Variants in ACOT7 observed in about 807,000 individuals in gnomAD.
ACOT7 encodes cytosolic acyl coenzyme A thioester hydrolase.
A neutral mutation model predicts 40.2 loss-of-function variants in ACOT7; 12 were observed. The ratio of observed to expected loss-of-function variants is 0.30; its 90% confidence interval spans 0.19 to 0.48. The LOEUF is 0.48. Ranked by LOEUF, ACOT7 falls within the 20% of genes least tolerant of loss-of-function variation. The pLI, the probability that ACOT7 is intolerant of heterozygous loss-of-function variation, is 0.99. For missense variants in ACOT7, 395 were observed against 530.8 expected, an observed-to-expected ratio of 0.74 and a Z score of 2.51; for synonymous variants, 228 against 219.5, an observed-to-expected ratio of 1.04 and a Z score of -0.34.
intron 1 of ACOT7, among the ~76,000 whole-genome samples, chr1:6,371,045 G>A (rs765447561): frequency 3.3e-5 from 5 of 152,014 alleles, no homozygotes; most frequent in Middle Eastern, 3.4e-3. Flanking sequence ...TCCTGACCTC[G>A]TGATCCACTT....
chr1:6,329,852 G>A (rs1390092889), intron 4 of ACOT7, among the ~76,000 whole-genome samples: 1 of 152,188 alleles, frequency 6.6e-6, no homozygotes, highest in Non-Finnish European at 1.5e-5. Context: ...CACTCAGCCT[G>A]TCCAGGGCTG....
rs550571092 is a variant in ACOT7 at position 6,274,014 on chromosome 1, C to T, written c.1014+7088G>A. 5.3e-5 allele frequency among the ~76,000 whole-genome samples: 8 copies of T among 152,300 alleles called. No individual in the cohort carries two copies. The highest frequency in any genetic ancestry group is 1.7e-4 in the African/African-American group (7 of 41,562). On this transcript the variant is annotated intron_variant, in intron 8 of 8. Coordinates refer to ENST00000361521, the MANE Select transcript of ACOT7 (RefSeq NM_007274.4). The surrounding 1 kb of genome is among the most constrained non-coding windows in gnomAD (Gnocchi z 5.9). ...TTCTTGTCCTGGTCCGGCCTGGACA[C>T]GGTCAGGAATGGCCACCTCTGCTCC...
At chr1:6,340,831 T>C (rs796289356) in intron 2 of ACOT7, among the ~76,000 whole-genome samples, 5 of 151,892 alleles carry the variant, frequency 3.3e-5, no homozygotes, top group African/African-American at 1.2e-4. Context: ...AGGCCAGGAG[T>C]TCGAGACCAG....
chr1:6,264,902 C>T (rs1283644053), intron 8 of ACOT7, among the ~76,000 whole-genome samples: 2 of 152,212 alleles, frequency 1.3e-5, no homozygotes, highest in Non-Finnish European at 2.9e-5. Context: ...GCTGATGGGC[C>T]TATTGACTGG....
rs1641203300 is a variant in ACOT7, at chr1:6,339,544, G to A, written c.307C>T (p.Leu103=). ...ALARVERTDF[L]SPMCIGEVAH... ...ACCTCACCGATGCACATGGGAGACA[G>A]GAAGTCGGTGCGCTCGACACGAGCC... is the stretch of plus-strand genomic sequence containing the variant. The change falls in exon 3 of 9, where the codon CTG becomes TTG. Residue 103 remains leucine (L), a synonymous_variant. Transcript: ENST00000361521. The A allele has an allele frequency of 6.2e-7, 1 of 1,613,602 alleles. No homozygotes were observed.
chr1:6,314,176 G>A (rs974859019), intron 6 of ACOT7, among the ~76,000 whole-genome samples: 4 of 152,094 alleles, frequency 2.6e-5, no homozygotes, highest in Non-Finnish European at 5.9e-5. Flanking sequence ...TAGTAACACC[G>A]TTTCGAGGGA....
In ACOT7 at chr1:6,299,726, T is replaced by C. The variant is rs979361226; in HGVS notation, c.713-4746A>G. On this transcript the variant is annotated intron_variant, in intron 6 of 8. Coordinates refer to ENST00000361521, the MANE Select transcript of ACOT7 (RefSeq NM_007274.4). The surrounding 1 kb of genome is among the most constrained non-coding windows in gnomAD (Gnocchi z 4.1). ...GTGTGCGTGTGTTTAAGGGGCTTAG[T>C]AGCGGCAGAGCTGCAGCCCACAGAC... is the stretch of plus-strand genomic sequence containing the variant. 1.3e-5 allele frequency among the ~76,000 whole-genome samples: 2 copies of C among 152,090 alleles called. No individual in the cohort carries two copies. The highest frequency in any genetic ancestry group is 2.9e-5 in the Non-Finnish European group (2 of 68,006).
At chr1:6,304,309 T>C (rs938314364) in intron 6 of ACOT7, among the ~76,000 whole-genome samples, 1 of 116,184 alleles carries the variant, frequency 8.6e-6, no homozygotes, top group African/African-American at 4.1e-5. Context: ...GGCTGGACAA[T>C]GTGGCACCAA....
chr1:6,321,039 C>A (rs927752310), intron 5 of ACOT7, among the ~76,000 whole-genome samples: 2 of 152,170 alleles, frequency 1.3e-5, no homozygotes, highest in African/African-American at 4.8e-5. Flanking sequence ...CTGGCCCAAG[C>A]AGAGATGACT....
chr1:6,371,710 C>T (rs1642137288), intron 1 of ACOT7, among the ~76,000 whole-genome samples: 1 of 152,026 alleles, frequency 6.6e-6, no homozygotes, highest in East Asian at 1.9e-4. Flanking sequence ...TATGAAAGTC[C>T]TAGATGTTAT....
chr1:6,306,200 C>G lies in ACOT7; in HGVS notation c.713-11220G>C, dbSNP rs1172624682. On this transcript the variant is annotated intron_variant, in intron 6 of 8. Coordinates refer to ENST00000361521, the MANE Select transcript of ACOT7 (RefSeq NM_007274.4). This position sits in a 1 kb window ranked among gnomAD's most constrained non-coding sequence, Gnocchi z 4.3. The stretch of plus-strand genomic sequence containing the variant: ...CGTGGCAAGAGAGGGAGAGGGAGAC[C>G]GTGGGGAGAGGGGGAGGGGGAGGGG... The G allele has an allele frequency of 1.9e-4, 147 of 782,698 alleles. No homozygotes were observed. The highest frequency in any genetic ancestry group is 2.0e-4 in the Non-Finnish European group (140 of 694,160). The allele number at this position is 782,698 out of a possible 1,614,324, so 48.5% of individuals were successfully genotyped here.
intron 1 of ACOT7, among the ~76,000 whole-genome samples, chr1:6,368,803 CACTGCTGCCACT>C (rs1245959492): frequency 2.0e-3 from 300 of 152,242 alleles, no homozygotes; most frequent in African/African-American, 6.8e-3. Context: ...ACAGGGGACC[CACTGCTGCCACT>C]GCTGCTGCCA....
intron 1 of ACOT7, among the ~76,000 whole-genome samples, chr1:6,351,909 C>T (rs889680027): frequency 6.6e-6 from 1 of 152,362 alleles, no homozygotes; most frequent in East Asian, 1.9e-4. Flanking sequence ...AGACCAGGGA[C>T]AGTGCCTGAG....
Position 6,275,992 on chromosome 1 carries a change from A to G in ACOT7, c.1014+5110T>C, listed in dbSNP as rs949200348. On this transcript the variant is annotated intron_variant, in intron 8 of 8. Transcript: ENST00000361521. This position sits in a 1 kb window ranked among gnomAD's most constrained non-coding sequence, Gnocchi z 5.6. ...GACACATCCCCTCCCCAGTGTGCCC[A>G]GGAAGCAGTGGGGTCACGGCGCTCA... Among the ~76,000 whole-genome samples the G allele has an allele frequency of 3.9e-5, 6 of 152,316 alleles. No individual in the cohort carries two copies. The East Asian group carries it at 1.2e-3, about 29-fold the overall frequency.
At position 6,318,590 on chromosome 1, in the gene ACOT7, A is replaced by C; in HGVS notation, c.626-12T>G. 1 of 1,613,276 alleles carries C rather than the reference A, an allele frequency of 6.2e-7. No individual in the cohort carries two copies. Among genetic ancestry groups the C allele is most frequent in the Non-Finnish European group, 8.5e-7 (1 of 1,179,498 alleles). ...GACAGTGTTCGGCTCTGGAATTGCA[A>C]AAGAGAGAGATTAGTTATGGGGTAG... On this transcript the variant is annotated splice_polypyrimidine_tract_variant and intron_variant, in intron 5 of 8. Transcript: ENST00000361521.
intron 1 of ACOT7, among the ~76,000 whole-genome samples, chr1:6,365,498 G>A (rs1043626221): frequency 6.6e-6 from 1 of 152,120 alleles, no homozygotes; most frequent in African/African-American, 2.4e-5. Flanking sequence ...AATCGGGCAT[G>A]GTGGCTCACA....
At chr1:6,385,531 C>G (rs1359214538) in intron 1 of ACOT7, 1 of 1,612,198 alleles carries the variant, frequency 6.2e-7, no homozygotes, top group Non-Finnish European at 8.5e-7. Context: ...GGGAGATCAG[C>G]CCTGGGCCCA....
At chr1:6,265,415 G>C (rs939276581) in intron 8 of ACOT7, among the ~76,000 whole-genome samples, 1 of 152,198 alleles carries the variant, frequency 6.6e-6, no homozygotes, top group Non-Finnish European at 1.5e-5. Context: ...GGCCTGCTTT[G>C]TTGGGAGGGA....
In ACOT7 at chr1:6,306,758, C is replaced by T; in HGVS notation, c.712+11734G>A. The T allele has an allele frequency of 7.9e-7, 1 of 1,271,152 alleles. No individual in the cohort carries two copies. Among genetic ancestry groups the T allele is most frequent in the Non-Finnish European group, 1.0e-6 (1 of 976,528 alleles). 78.7% of individuals were successfully genotyped at this position (1,271,152 alleles called of 1,614,324 possible). On this transcript the variant is annotated intron_variant, in intron 6 of 8. Coordinates refer to ENST00000361521, the MANE Select transcript of ACOT7 (RefSeq NM_007274.4). This position sits in a 1 kb window ranked among gnomAD's most constrained non-coding sequence, Gnocchi z 4.3. Reference sequence around the variant, plus strand: ...TCGTCCACCTTTTTCCTTCCTTGCCCCAACACTGAGGGTCTGGTGTGTTGT... The same window carrying T: ...TCGTCCACCTTTTTCCTTCCTTGCCTCAACACTGAGGGTCTGGTGTGTTGT...
Sources: gnomAD v4.1 joint callset for allele counts (sites outside exome capture counted in the v4.1 genomes callset) on GRCh38, gnomAD v4.1.1 for gene constraint, Gnocchi (gnomAD v3.1) non-coding constraint, MANE v1.5 for transcripts, NCBI Gene and HGNC (gene_info 2026-07-23, HGNC 2026-07-21) for gene names.